Variants in TNKS observed in about 807,000 individuals in gnomAD.
TNKS encodes the protein poly [ADP-ribose] polymerase tankyrase-1.
A neutral mutation model predicts 135.8 loss-of-function variants in TNKS; 72 were observed. The observed-to-expected ratio is 0.53, with a 90% CI of 0.44 to 0.64. The LOEUF is 0.64. Among genes scored for constraint, TNKS ranks in the 30% least tolerant of loss-of-function variants. The pLI is 0.00. For synonymous variants in TNKS, 849 were observed against 649.3 expected (o/e 1.31, Z -4.68); for missense variants, 1,769 against 1,674.0 (o/e 1.06, Z -0.99).
intron 17 of TNKS, among the ~76,000 whole-genome samples, chr8:9,738,564 G>A: frequency 4.5e-5 from 1 of 22,334 alleles, no homozygotes; most frequent in Non-Finnish European, 7.7e-5. Flanking sequence ...TCTACACACT[G>A]CTTTGAATGC....
Position 9,772,813 on chromosome 8 carries a change from GTGTGTGTGTGTGTGTGTC to G in TNKS, c.3897+2569_3897+2586del, listed in dbSNP as rs1327892515. 6.9e-3 allele frequency among the ~76,000 whole-genome samples: 502 copies of G among 72,716 alleles called. 6 individuals are homozygous for G. Among genetic ancestry groups the G allele is most frequent in the African/African-American group, 0.026 (410 of 15,702 alleles). 47.7% of individuals were successfully genotyped at this position (72,716 alleles called of 152,430 possible). A position where few individuals can be genotyped will look rare whatever the true frequency, so the allele number is the denominator to read the frequency against. On this transcript the variant is annotated intron_variant, in intron 26 of 26. Coordinates refer to ENST00000310430, the MANE Select transcript of TNKS (RefSeq NM_003747.3). Reference sequence around the variant, plus strand: ...GGAGAATGTGTGTGTGTGTGTTTGTGTGTGTGTGTGTGTGTGTCTGTGTGTGTGTGTGTGTGTGTGTGT... The same window carrying G: ...GGAGAATGTGTGTGTGTGTGTTTGTGTGTGTGTGTGTGTGTGTGTGTGTGT...
chr8:9,687,694 A>G (rs994574953), intron 5 of TNKS, among the ~76,000 whole-genome samples: 1 of 151,988 alleles, frequency 6.6e-6, no homozygotes, highest in Admixed American at 6.6e-5. Context: ...CTATTTAGCC[A>G]CTCTCCTAGC....
At chr8:9,684,700 G>T (rs1024884245) in intron 5 of TNKS, among the ~76,000 whole-genome samples, 22 of 152,046 alleles carry the variant, frequency 1.4e-4, no homozygotes, top group African/African-American at 5.3e-4. Context: ...ATGTAATTTT[G>T]AGTATTTCAG....
intron 14 of TNKS, among the ~76,000 whole-genome samples, chr8:9,731,480 A>C (rs1041247919): frequency 4.6e-5 from 7 of 151,374 alleles, no homozygotes; most frequent in Non-Finnish European, 8.8e-5. Context: ...AAAAAAAAAA[A>C]AAAACATAGA....
intron 17 of TNKS, 141 bp from the exon 18 acceptor site, chr8:9,747,883 C>CT (rs551933307): frequency 1.4e-4 from 120 of 829,312 alleles, no homozygotes; most frequent in Middle Eastern, 3.7e-4. Flanking sequence ...CTGAAATACT[C>CT]TTTTTTTTAG....
intron 1 of TNKS, among the ~76,000 whole-genome samples, chr8:9,567,781 T>C (rs1441760233): frequency 6.6e-6 from 1 of 152,222 alleles, no homozygotes; most frequent in African/African-American, 2.4e-5. Flanking sequence ...AATTTTGCTG[T>C]ATGTTTTGAC....
At chr8:9,641,776 A>G (rs1018294711) in intron 3 of TNKS, among the ~76,000 whole-genome samples, 2 of 145,846 alleles carry the variant, frequency 1.4e-5, no homozygotes, top group African/African-American at 5.1e-5. Flanking sequence ...TGCGTTTTGT[A>G]AAAGAATTTC....
At chr8:9,589,547 T>G (rs1057193257) in intron 2 of TNKS, among the ~76,000 whole-genome samples, 4 of 152,210 alleles carry the variant, frequency 2.6e-5, no homozygotes, top group Non-Finnish European at 5.9e-5. Context: ...CCACTCTTGT[T>G]GCTAAACCTG....
chr8:9,576,463 CCT>C (rs1797948917), intron 1 of TNKS, among the ~76,000 whole-genome samples: 1 of 151,054 alleles, frequency 6.6e-6, no homozygotes, highest in Non-Finnish European at 1.5e-5. Flanking sequence ...CCACCACCCC[CCT>C]CTTTTTTTTT....
At chr8:9,578,690 C>T (rs1798050130) in intron 1 of TNKS, among the ~76,000 whole-genome samples, 1 of 152,196 alleles carries the variant, frequency 6.6e-6, no homozygotes, top group African/African-American at 2.4e-5. Flanking sequence ...TTAACATATG[C>T]CCAAAATAAA....
In TNKS at chr8:9,741,288, T is replaced by C. The variant is rs577846975; in HGVS notation, c.2643+5802T>C. ...ATCGGTAGAACTGAAATTAGATCTT[T>C]TATCGTCTCTGTAAACTTACTATGA... On this transcript the variant is annotated intron_variant, in intron 17 of 26. Coordinates refer to ENST00000310430, the MANE Select transcript of TNKS (RefSeq NM_003747.3). Among the ~76,000 whole-genome samples, 8 of 152,286 alleles carry C rather than the reference T, an allele frequency of 5.3e-5. No homozygotes were observed. In the South Asian group the frequency reaches 1.7e-3, roughly 32 times the overall value.
intron 2 of TNKS, among the ~76,000 whole-genome samples, chr8:9,609,615 C>G (rs1799371462): frequency 6.6e-6 from 1 of 152,180 alleles, no homozygotes; most frequent in Non-Finnish European, 1.5e-5. Flanking sequence ...TCTAGATTTC[C>G]TTTGCTCTTC....
chr8:9,624,331 CT>C (rs1375935668), intron 3 of TNKS, among the ~76,000 whole-genome samples: 2 of 152,150 alleles, frequency 1.3e-5, no homozygotes, highest in African/African-American at 4.8e-5. Flanking sequence ...TTAATATTTG[CT>C]TTCTTAAAGT....
intron 3 of TNKS, among the ~76,000 whole-genome samples, chr8:9,638,255 A>G (rs1276391348): frequency 3.3e-5 from 5 of 152,240 alleles, no homozygotes; most frequent in African/African-American, 1.2e-4. Flanking sequence ...GATTACAGAT[A>G]CAAGGTGCTG....
intron 25 of TNKS, 82 bp from the exon 26 acceptor site, chr8:9,770,024 T>A (rs1054625766): frequency 2.3e-6 from 3 of 1,310,886 alleles, no homozygotes; most frequent in African/African-American, 3.0e-5. Flanking sequence ...GTTAAATTTT[T>A]AAAAAATTAA....
chr8:9,719,857 C>A (rs376813699), intron 11 of TNKS, among the ~76,000 whole-genome samples: 1 of 151,958 alleles, frequency 6.6e-6, no homozygotes, highest in Non-Finnish European at 1.5e-5. Context: ...ATCCTCAAAT[C>A]TTTTTTTTGC....
At chr8:9,572,752 C>T (rs1042264259) in intron 1 of TNKS, among the ~76,000 whole-genome samples, 3 of 152,110 alleles carry the variant, frequency 2.0e-5, no homozygotes, top group Admixed American at 6.6e-5. Context: ...AGGTGTCATT[C>T]GATTTTTAAT....
intron 26 of TNKS, chr8:9,772,551 T>C (rs1290773183): frequency 2.7e-6 from 1 of 375,172 alleles, no homozygotes; most frequent in Non-Finnish European, 5.2e-6. Flanking sequence ...CCAAGAGACA[T>C]GAAAACGAAG....
intron 5 of TNKS, among the ~76,000 whole-genome samples, chr8:9,695,596 C>G (rs1803478217): frequency 6.6e-6 from 1 of 152,086 alleles, no homozygotes; most frequent in African/African-American, 2.4e-5. Context: ...GATTTGTATA[C>G]CTAACTTAGG....
Sources: allele counts gnomAD v4.1 joint callset (sites outside exome capture counted in the v4.1 genomes callset), GRCh38; gene constraint gnomAD v4.1.1; transcripts MANE v1.5; gene names NCBI Gene and HGNC (gene_info 2026-07-23, HGNC 2026-07-21).